The following PDE1A variants were observed in gnomAD, a reference collection of about 807,000 sequenced individuals.
PDE1A encodes phosphodiesterase 1A, also known as dual specificity calcium/calmodulin-dependent 3',5'-cyclic nucleotide phosphodiesterase 1A.
Under a neutral mutation model 61.7 loss-of-function variants are expected in PDE1A, and 35 were observed. That is an observed-to-expected ratio of 0.57 (90% confidence interval 0.43 to 0.75). The LOEUF is 0.75. Among genes scored for constraint, PDE1A ranks in the 30% least tolerant of loss-of-function variants. The pLI is 0.00. For synonymous variants in PDE1A, 232 were observed against 213.2 expected, an observed-to-expected ratio of 1.09 and a Z score of -0.77; for missense variants, 597 against 630.6, an observed-to-expected ratio of 0.95 and a Z score of 0.57.
chr2:182,164,155 G>A (rs374044314), downstream of PDE1A, among the ~76,000 whole-genome samples: 26 of 152,254 alleles, frequency 1.7e-4, no homozygotes, highest in Non-Finnish European at 2.5e-4. Context: ...GTATTCTATC[G>A]TCACATGGTA....
chr2:182,623,605 C>A, the PDE1A span, among the ~76,000 whole-genome samples: 2 of 152,046 alleles, frequency 1.3e-5, no homozygotes, highest in East Asian at 3.9e-4. Context: ...AGACATCTTC[C>A]GAAGACATGT....
chr2:182,150,834 A>G (rs755583261), intron 13 of PDE1A, among the ~76,000 whole-genome samples: 8 of 152,164 alleles, frequency 5.3e-5, no homozygotes, highest in African/African-American at 1.2e-4. Flanking sequence ...TTAGAATCAT[A>G]ATGTGTTAGA....
chr2:182,624,426 A>G, the PDE1A span, among the ~76,000 whole-genome samples: 1 of 152,220 alleles, frequency 6.6e-6, no homozygotes, highest in African/African-American at 2.4e-5. Context: ...ACATTTGTCA[A>G]TAGTACTAGA....
chr2:182,514,058 A>T (rs1421718829), intron 2 of PDE1A, among the ~76,000 whole-genome samples: 3 of 152,222 alleles, frequency 2.0e-5, no homozygotes, highest in Non-Finnish European at 4.4e-5. Context: ...GAGCCAAATC[A>T]GGGACGCAAT....
At chr2:182,296,812 C>T (rs1365424894) in intron 1 of PDE1A, among the ~76,000 whole-genome samples, 1 of 152,188 alleles carries the variant, frequency 6.6e-6, no homozygotes, top group Non-Finnish European at 1.5e-5. Flanking sequence ...TGCTCTCACT[C>T]ATGTTGAGTA....
At chr2:182,554,210 A>T in the PDE1A span, among the ~76,000 whole-genome samples, 2 of 152,204 alleles carry the variant, frequency 1.3e-5, no homozygotes, top group Non-Finnish European at 2.9e-5. Flanking sequence ...ATTCAAAGAG[A>T]TCATTTGTTT....
At chr2:182,399,577 T>A (rs1701889973) in intron 1 of PDE1A, among the ~76,000 whole-genome samples, 1 of 152,124 alleles carries the variant, frequency 6.6e-6, no homozygotes, top group Non-Finnish European at 1.5e-5. Flanking sequence ...TGTAATAGTA[T>A]ATGTATCCTT....
chr2:182,372,599 G>A (rs747872368), intron 1 of PDE1A, among the ~76,000 whole-genome samples: 2 of 152,172 alleles, frequency 1.3e-5, no homozygotes, highest in Non-Finnish European at 2.9e-5. Flanking sequence ...GCAGGATAGG[G>A]ACTGGAGAAA....
chr2:182,617,273 G>A, the PDE1A span, among the ~76,000 whole-genome samples: 5 of 152,222 alleles, frequency 3.3e-5, no homozygotes, highest in Admixed American at 2.6e-4. Flanking sequence ...AATAAAACTG[G>A]ACACCAAGGA....
At chr2:182,266,553 C>G (rs1230080552) in intron 1 of PDE1A, among the ~76,000 whole-genome samples, 1 of 152,158 alleles carries the variant, frequency 6.6e-6, no homozygotes, top group Non-Finnish European at 1.5e-5. Flanking sequence ...GGGTTGCCTT[C>G]CTTTTCCCTG....
the PDE1A span, among the ~76,000 whole-genome samples, chr2:182,658,073 C>CAAAAAAAAAAAAAAA: frequency 8.4e-6 from 1 of 119,568 alleles, no homozygotes; most frequent in African/African-American, 3.4e-5. Context: ...AAAAAAAAAA[C>CAAAAAAAAAAAAAAA]AAAAAAACTT....
chr2:182,467,356 A>T (rs1028214932), intron 2 of PDE1A, among the ~76,000 whole-genome samples: 3 of 151,970 alleles, frequency 2.0e-5, no homozygotes, highest in Admixed American at 6.6e-5. Flanking sequence ...CACATGAAGA[A>T]CATTTTTAAA....
chr2:182,532,437 C>T, the PDE1A span, among the ~76,000 whole-genome samples: 1 of 151,988 alleles, frequency 6.6e-6, no homozygotes. Flanking sequence ...CAAGAGATCA[C>T]ATATTGTATG....
At chr2:182,181,348 A>G (rs550125660) in intron 13 of PDE1A, among the ~76,000 whole-genome samples, 1 of 152,268 alleles carries the variant, frequency 6.6e-6, no homozygotes, top group East Asian at 1.9e-4. Context: ...AGTTAGACCC[A>G]TCTTCTGCAG....
chr2:182,366,829 G>A (rs1699863164), intron 1 of PDE1A, among the ~76,000 whole-genome samples: 1 of 152,164 alleles, frequency 6.6e-6, no homozygotes, highest in East Asian at 1.9e-4. Flanking sequence ...GGGCTTGGCA[G>A]TCGTGGCTAA....
the PDE1A span, among the ~76,000 whole-genome samples, chr2:182,659,363 T>A: frequency 1.3e-5 from 2 of 152,128 alleles, no homozygotes; most frequent in Non-Finnish European, 2.9e-5. Flanking sequence ...TACAGCCTCA[T>A]AAAAATACAA....
At chr2:182,277,823 T>C (rs1360886074) in intron 1 of PDE1A, among the ~76,000 whole-genome samples, 1 of 152,000 alleles carries the variant, frequency 6.6e-6, no homozygotes, top group Admixed American at 6.6e-5. Context: ...GGAATTAAAC[T>C]GCCCTGTGGA....
intron 10 of PDE1A, among the ~76,000 whole-genome samples, chr2:182,191,556 C>T (rs1338771916): frequency 6.6e-6 from 1 of 151,754 alleles, no homozygotes; most frequent in African/African-American, 2.4e-5. Context: ...GTGGTTTTTG[C>T]AATTAAAATT....
chr2:182,348,074 T>A (rs914059212), intron 1 of PDE1A, among the ~76,000 whole-genome samples: 3 of 152,182 alleles, frequency 2.0e-5, no homozygotes, highest in African/African-American at 7.2e-5. Flanking sequence ...ACCCATACTA[T>A]GCTGATGTAA....
Sources: allele counts gnomAD v4.1 joint callset (sites outside exome capture counted in the v4.1 genomes callset), GRCh38; gene constraint gnomAD v4.1.1; transcripts MANE v1.5; gene names NCBI Gene and HGNC (gene_info 2026-07-23, HGNC 2026-07-21).